GRIN3A: variants seen among roughly 807,000 people sequenced by gnomAD.
GRIN3A encodes the protein glutamate ionotropic receptor NMDA type subunit 3A, also known as glutamate receptor ionotropic, NMDA 3A.
In GRIN3A, 47 loss-of-function variants were observed where a neutral mutation model predicts 92.4. That is an observed-to-expected ratio of 0.51 (90% confidence interval 0.40 to 0.65). The LOEUF is 0.65. Among genes scored for constraint, GRIN3A ranks in the 30% least tolerant of loss-of-function variants. GRIN3A has a pLI of 0.00. For missense variants in GRIN3A, 1,324 were observed against 1,393.1 expected (o/e 0.95, Z 0.79); for synonymous variants, 527 against 540.6 (o/e 0.97, Z 0.35).
chr9:101,648,480 G>T (rs955234255), intron 3 of GRIN3A, among the ~76,000 whole-genome samples: 1 of 151,930 alleles, frequency 6.6e-6, no homozygotes, highest in African/African-American at 2.4e-5. Context: ...GGTTCATTTG[G>T]TCTAGAGTGT....
chr9:101,706,641 G>A (rs1829818825), intron 1 of GRIN3A, among the ~76,000 whole-genome samples: 1 of 152,184 alleles, frequency 6.6e-6, no homozygotes, highest in African/African-American at 2.4e-5. Context: ...TTTAAAGCTG[G>A]TCATTAGGAG....
intron 2 of GRIN3A, 50 bp downstream of exon 2, chr9:101,686,546 C>G: frequency 6.2e-7 from 1 of 1,603,804 alleles, no homozygotes; most frequent in Non-Finnish European, 8.5e-7. Context: ...GAATTTTACT[C>G]TCTGTCATGG....
rs565066442 is a variant in GRIN3A at position 101,577,250 on chromosome 9, G to A, written c.3008+518C>T. Among the ~76,000 whole-genome samples the A allele has an allele frequency of 2.2e-4, 34 of 152,282 alleles. No individual in the cohort carries two copies. In the South Asian group the frequency reaches 6.6e-3, roughly 30 times the overall value. On this transcript the variant is annotated intron_variant, in intron 8 of 8. Coordinates refer to ENST00000361820, the MANE Select transcript of GRIN3A (RefSeq NM_133445.3). Reference sequence around the variant, plus strand: ...CTCTGTTCCTAGGAATGCTAGAAAGGAGTAGGGAGTGGAAATATGCCAAAA... The same window carrying A: ...CTCTGTTCCTAGGAATGCTAGAAAGAAGTAGGGAGTGGAAATATGCCAAAA...
intron 2 of GRIN3A, among the ~76,000 whole-genome samples, chr9:101,679,931 G>A (rs371874905): frequency 9.9e-4 from 151 of 152,270 alleles, no homozygotes; most frequent in African/African-American, 3.3e-3. Flanking sequence ...ATTACTGTAT[G>A]CAGATGCGAT....
chr9:101,710,928 T>G (rs1397446352), intron 1 of GRIN3A, among the ~76,000 whole-genome samples: 2 of 152,224 alleles, frequency 1.3e-5, no homozygotes, highest in Non-Finnish European at 2.9e-5. Flanking sequence ...TATACATACA[T>G]ATAATAAAAT....
chr9:101,625,587 CA>C (rs1828622786), intron 4 of GRIN3A, among the ~76,000 whole-genome samples: 1 of 152,130 alleles, frequency 6.6e-6, no homozygotes, highest in South Asian at 2.1e-4. Flanking sequence ...ATCCCCTTTT[CA>C]AAGGGGTATC....
At chr9:101,616,215 T>C (rs1828451459) in intron 5 of GRIN3A, among the ~76,000 whole-genome samples, 2 of 152,226 alleles carry the variant, frequency 1.3e-5, no homozygotes, top group African/African-American at 4.8e-5. Flanking sequence ...CCTAGTATTG[T>C]GCATGATGTG....
chr9:101,652,183 A>G (rs1276112773), intron 3 of GRIN3A, among the ~76,000 whole-genome samples: 1 of 152,054 alleles, frequency 6.6e-6, no homozygotes, highest in East Asian at 1.9e-4. Context: ...GGTTCAGAGT[A>G]TAAGTAACTT....
At chr9:101,639,322 G>A (rs946542354) in intron 3 of GRIN3A, among the ~76,000 whole-genome samples, 1 of 151,920 alleles carries the variant, frequency 6.6e-6, no homozygotes, top group African/African-American at 2.4e-5. Flanking sequence ...GGCCAGAACT[G>A]ATGCTATAGG....
At chr9:101,624,225 T>A (rs1486181835) in intron 4 of GRIN3A, among the ~76,000 whole-genome samples, 2 of 149,808 alleles carry the variant, frequency 1.3e-5, no homozygotes, top group Non-Finnish European at 2.9e-5. Context: ...TTTATTTTTT[T>A]ATTTTATTAT....
intron 6 of GRIN3A, among the ~76,000 whole-genome samples, chr9:101,597,871 A>G (rs1588242406): frequency 6.6e-6 from 1 of 152,214 alleles, no homozygotes; most frequent in African/African-American, 2.4e-5. Flanking sequence ...GCAATATGAC[A>G]TATTTTCTTG....
chr9:101,573,177 G>A lies in GRIN3A; in HGVS notation c.3345C>T (p.Ser1115=). 1.2e-6 allele frequency: 2 copies of A among 1,613,276 alleles called. No individual in the cohort carries two copies. Among genetic ancestry groups the A allele is most frequent in the Non-Finnish European group, 1.7e-6 (2 of 1,179,252 alleles). ...GAAAGGGAAGCAGTGTGGTCACCTA[G>A]GACTCACAAGTCCGACTTGTCCTTT... The part of the protein sequence containing the change: ...EYQRTSRTCE[S] Residue 1115 remains serine, a synonymous_variant, in exon 9 of 9, where the codon TCC becomes TCT. Transcript: ENST00000361820.
chr9:101,733,550 T>A (rs1008605275), intron 1 of GRIN3A, among the ~76,000 whole-genome samples: 3 of 152,186 alleles, frequency 2.0e-5, no homozygotes, highest in African/African-American at 7.2e-5. Context: ...AGAGCTGTGA[T>A]TTGCATAGAG....
chr9:101,620,258 A>G (rs1373574044), intron 5 of GRIN3A, among the ~76,000 whole-genome samples: 1 of 152,192 alleles, frequency 6.6e-6, no homozygotes, highest in African/African-American at 2.4e-5. Context: ...TTTCTGGTTC[A>G]TAGATGGTGC....
At chr9:101,711,907 G>A (rs2119015801) in intron 1 of GRIN3A, among the ~76,000 whole-genome samples, 1 of 152,256 alleles carries the variant, frequency 6.6e-6, no homozygotes, top group African/African-American at 2.4e-5. Flanking sequence ...CGTGCCCTCG[G>A]AGATACCATC....
intron 1 of GRIN3A, among the ~76,000 whole-genome samples, chr9:101,718,497 A>G (rs1179078936): frequency 6.6e-6 from 1 of 152,238 alleles, no homozygotes; most frequent in Non-Finnish European, 1.5e-5. Flanking sequence ...TAGTATGAAG[A>G]ATAAATGAGG....
intron 1 of GRIN3A, among the ~76,000 whole-genome samples, chr9:101,714,092 G>T (rs1829914296): frequency 6.6e-6 from 1 of 151,898 alleles, no homozygotes; most frequent in Non-Finnish European, 1.5e-5. Flanking sequence ...TATAGAAAAA[G>T]GCAAAGAAAC....
chr9:101,643,960 A>G (rs1828899691), intron 3 of GRIN3A, among the ~76,000 whole-genome samples: 1 of 151,790 alleles, frequency 6.6e-6, no homozygotes, highest in African/African-American at 2.4e-5. Flanking sequence ...AATGTACACT[A>G]TGGTGACTGT....
intron 3 of GRIN3A, among the ~76,000 whole-genome samples, chr9:101,630,706 A>G (rs1169504170): frequency 6.6e-6 from 1 of 152,216 alleles, no homozygotes; most frequent in Non-Finnish European, 1.5e-5. Flanking sequence ...CAATAATCTT[A>G]CAAGATAGAT....
Sources: gnomAD v4.1 joint callset for allele counts (sites outside exome capture counted in the v4.1 genomes callset) on GRCh38, gnomAD v4.1.1 for gene constraint, MANE v1.5 for transcripts, NCBI Gene and HGNC (gene_info 2026-07-23, HGNC 2026-07-21) for gene names.